Variants in MYO16 observed in about 807,000 individuals in gnomAD.
MYO16 encodes myosin XVI, also known as unconventional myosin-XVI.
MYO16 carries 94 observed loss-of-function variants against 205.3 expected under a neutral mutation model. The observed-to-expected ratio is 0.46, with a 90% CI of 0.39 to 0.54. MYO16 has a LOEUF of 0.54. Ranked by LOEUF, MYO16 falls within the 20% of genes least tolerant of loss-of-function variation. MYO16 has a pLI of 0.00. For missense variants in MYO16, 2,315 were observed against 2,387.5 expected, an observed-to-expected ratio of 0.97 and a Z score of 0.63; for synonymous variants, 988 against 954.0, an observed-to-expected ratio of 1.04 and a Z score of -0.66.
At chr13:108,859,241 A>C (rs555281042) in intron 11 of MYO16, among the ~76,000 whole-genome samples, 2 of 151,236 alleles carry the variant, frequency 1.3e-5, no homozygotes, top group Non-Finnish European at 3.0e-5. Context: ...TCTATAAGGA[A>C]AATAATTCTT....
chr13:109,207,051 A>T lies in MYO16; in HGVS notation c.*215A>T. 1.9e-6 allele frequency: 1 copy of T among 535,898 alleles called. No homozygotes were observed. Among genetic ancestry groups the T allele is most frequent in the Non-Finnish European group, 3.3e-6 (1 of 299,736 alleles). The allele number at this position is 535,898 out of a possible 1,614,324, so 33.2% of individuals were successfully genotyped here. On this transcript the variant is annotated 3_prime_UTR_variant, in exon 35 of 35. Coordinates refer to ENST00000457511, the MANE Select transcript of MYO16 (RefSeq NM_001198950.3). ...TCTTTCTTATCCATCTCGTGGTGAT[A>T]CACTCTGATTTTCAAGCTCCTCATT...
chr13:108,800,067 G>A (rs368956797), intron 6 of MYO16, among the ~76,000 whole-genome samples: 21 of 152,210 alleles, frequency 1.4e-4, no homozygotes, highest in African/African-American at 2.9e-4. Context: ...TGGGTGATGC[G>A]CTCTTCCAAA....
At chr13:108,981,175 T>C (rs1249596323) in intron 20 of MYO16, among the ~76,000 whole-genome samples, 1 of 152,250 alleles carries the variant, frequency 6.6e-6, no homozygotes, top group Non-Finnish European at 1.5e-5. Flanking sequence ...AATATGGACA[T>C]GCCCCGCAGG....
At chr13:108,534,239 C>G in the MYO16 span, among the ~76,000 whole-genome samples, 1 of 152,168 alleles carries the variant, frequency 6.6e-6, no homozygotes, top group Non-Finnish European at 1.5e-5. Flanking sequence ...TTTTAGTCAT[C>G]TTTTAGGATC....
intron 31 of MYO16, among the ~76,000 whole-genome samples, chr13:109,133,710 G>A (rs778967086): frequency 6.6e-6 from 1 of 152,126 alleles, no homozygotes; most frequent in African/African-American, 2.4e-5. Context: ...TTATCAAGTA[G>A]TTGCAAACAT....
intron 2 of MYO16, among the ~76,000 whole-genome samples, chr13:108,668,772 C>G (rs1174996494): frequency 6.6e-6 from 1 of 152,168 alleles, no homozygotes; most frequent in Non-Finnish European, 1.5e-5. Context: ...CTGGGCTATG[C>G]AGGTTCATCT....
At chr13:109,175,932 G>C (rs1209428083) in intron 33 of MYO16, among the ~76,000 whole-genome samples, 2 of 151,814 alleles carry the variant, frequency 1.3e-5, no homozygotes, top group African/African-American at 2.4e-5. Context: ...CTTTAGCTGC[G>C]TGAGAAAATC....
intron 10 of MYO16, among the ~76,000 whole-genome samples, chr13:108,852,098 C>T (rs780311289): frequency 9.9e-5 from 15 of 152,198 alleles, no homozygotes; most frequent in South Asian, 2.1e-4. Context: ...TCAGTGTCAA[C>T]GTGACCTCTT....
At chr13:108,858,466 T>C (rs1192828624) in intron 11 of MYO16, among the ~76,000 whole-genome samples, 1 of 152,112 alleles carries the variant, frequency 6.6e-6, no homozygotes, top group Non-Finnish European at 1.5e-5. Flanking sequence ...GCCCCACTCT[T>C]GTCACTTCTT....
At chr13:109,067,268 G>A (rs1467763) in intron 27 of MYO16, among the ~76,000 whole-genome samples, 22,351 of 152,208 alleles carry the variant, frequency 0.15, 1,796 homozygotes, top group South Asian at 0.19. Context: ...TTGATTTAAT[G>A]TTTTTCCAAA....
At chr13:108,772,737 T>C (rs1377984073) in intron 4 of MYO16, among the ~76,000 whole-genome samples, 1 of 152,186 alleles carries the variant, frequency 6.6e-6, no homozygotes, top group African/African-American at 2.4e-5. Context: ...TCTTATAAAA[T>C]ACATACTAAA....
At chr13:109,057,627 C>A (rs1301195184) in intron 27 of MYO16, among the ~76,000 whole-genome samples, 1 of 151,952 alleles carries the variant, frequency 6.6e-6, no homozygotes. Context: ...TCAGAGATGC[C>A]GAACCTGTTA....
At chr13:108,576,888 G>GTAGC in the MYO16 span, among the ~76,000 whole-genome samples, 1 of 152,052 alleles carries the variant, frequency 6.6e-6, no homozygotes, top group African/African-American at 2.4e-5. Flanking sequence ...AGCCTCCTGA[G>GTAGC]TAGCTGGGAC....
intron 13 of MYO16, among the ~76,000 whole-genome samples, chr13:108,888,061 A>G (rs1484110774): frequency 6.6e-6 from 1 of 152,054 alleles, no homozygotes; most frequent in African/African-American, 2.4e-5. Context: ...AGGTGGTTCT[A>G]CCCTGTGAGA....
rs529462980 is a variant in MYO16, at chr13:109,086,416, T to C, written c.3336-14369T>C. On this transcript the variant is annotated intron_variant, in intron 27 of 34. Coordinates refer to ENST00000457511, the MANE Select transcript of MYO16 (RefSeq NM_001198950.3). ...TAGATAGGATCCAGCCTTTGAGATA[T>C]GTGTTGTGTCAAAGGCATGTGATAT... Among the ~76,000 whole-genome samples the C allele has an allele frequency of 3.9e-5, 6 of 152,328 alleles. No individual in the cohort carries two copies. In the East Asian group the frequency reaches 1.2e-3, roughly 29 times the overall value.
chr13:108,588,260 C>A, the MYO16 span, among the ~76,000 whole-genome samples: 4 of 152,112 alleles, frequency 2.6e-5, no homozygotes, highest in African/African-American at 9.7e-5. Flanking sequence ...TCACAATCAA[C>A]GCTGCCTATG....
At chr13:108,729,453 T>G (rs1884450791) in intron 4 of MYO16, among the ~76,000 whole-genome samples, 2 of 152,200 alleles carry the variant, frequency 1.3e-5, no homozygotes, top group Admixed American at 1.3e-4. Flanking sequence ...TATAAAAGAA[T>G]GAGATAGGCT....
At chr13:109,004,586 G>A (rs1885327371) in intron 21 of MYO16, among the ~76,000 whole-genome samples, 1 of 152,158 alleles carries the variant, frequency 6.6e-6, no homozygotes, top group Non-Finnish European at 1.5e-5. Flanking sequence ...ATTGTGGACA[G>A]ATGCTACATA....
chr13:109,025,575 T>A (rs1337267138), intron 23 of MYO16, among the ~76,000 whole-genome samples: 1 of 152,168 alleles, frequency 6.6e-6, no homozygotes, highest in Non-Finnish European at 1.5e-5. Context: ...AAATATTAAA[T>A]CATATATGGG....
Sources: allele counts gnomAD v4.1 joint callset (sites outside exome capture counted in the v4.1 genomes callset), GRCh38; gene constraint gnomAD v4.1.1; transcripts MANE v1.5; gene names NCBI Gene and HGNC (gene_info 2026-07-23, HGNC 2026-07-21).